The following ZNF536 variants were observed in gnomAD, a reference collection of about 807,000 sequenced individuals.
The protein encoded by ZNF536 is zinc finger protein 536.
Under a neutral mutation model 84.5 loss-of-function variants are expected in ZNF536, and 13 were observed. The ratio of observed to expected loss-of-function variants is 0.15; its 90% CI spans 0.10 to 0.24. ZNF536 has a LOEUF of 0.24. Among genes scored for constraint, ZNF536 ranks in the 10% least tolerant of loss-of-function variants. ZNF536 has a pLI of 1.00. For missense variants in ZNF536, 1,536 were observed against 1,747.5 expected, an observed-to-expected ratio of 0.88 and a Z score of 2.16; for synonymous variants, 811 against 742.5, an observed-to-expected ratio of 1.09 and a Z score of -1.50.
At chr19:30,238,293 AT>A (rs2023686735) in intron 1 of ZNF536, among the ~76,000 whole-genome samples, 1 of 152,050 alleles carries the variant, frequency 6.6e-6, no homozygotes, top group Non-Finnish European at 1.5e-5. Context: ...TCCAATAACT[AT>A]TGGCTGATTG....
intron 2 of ZNF536, among the ~76,000 whole-genome samples, chr19:30,316,431 A>C (rs924018325): frequency 4.6e-5 from 7 of 152,178 alleles, no homozygotes; most frequent in Admixed American, 3.9e-4. Context: ...ATTGCTTGTT[A>C]ATATGTTTTC....
chr19:30,328,975 TG>T (rs2047123401), intron 2 of ZNF536, among the ~76,000 whole-genome samples: 1 of 152,160 alleles, frequency 6.6e-6, no homozygotes, highest in Admixed American at 6.5e-5. Context: ...GAGTGAGAGA[TG>T]GGAATTAGCA....
intron 2 of ZNF536, among the ~76,000 whole-genome samples, chr19:30,337,374 G>A (rs1024615065): frequency 6.6e-6 from 1 of 152,198 alleles, no homozygotes; most frequent in Admixed American, 6.5e-5. Context: ...GTAGATTTTA[G>A]CTTGGCCACC....
chr19:30,346,746 T>G (rs1022957239), intron 2 of ZNF536, among the ~76,000 whole-genome samples: 5 of 152,274 alleles, frequency 3.3e-5, no homozygotes, highest in African/African-American at 1.2e-4. Flanking sequence ...AGTGTACCAT[T>G]GATGAGCATT....
chr19:30,545,629 C>T (rs903025393), intron 3 of ZNF536, among the ~76,000 whole-genome samples: 2 of 151,960 alleles, frequency 1.3e-5, no homozygotes, highest in South Asian at 2.1e-4. Flanking sequence ...GATCTCCTGA[C>T]CTTGTGATCC....
At chr19:30,257,472 ATTTCTTTTTATTTAAG>A (rs2024972025) in intron 1 of ZNF536, among the ~76,000 whole-genome samples, 1 of 152,118 alleles carries the variant, frequency 6.6e-6, no homozygotes, top group Non-Finnish European at 1.5e-5. Context: ...TCTTCCTTGC[ATTTCTTTTTATTTAAG>A]TTTTAGCTTA....
intron 1 of ZNF536, among the ~76,000 whole-genome samples, chr19:30,653,623 C>G (rs1465906379): frequency 6.6e-6 from 1 of 152,040 alleles, no homozygotes; most frequent in Non-Finnish European, 1.5e-5. Flanking sequence ...CCCTTAGGAG[C>G]AGAGGATGGA....
At position 30,362,661 on chromosome 19, in the gene ZNF536, C is replaced by G. The variant is rs2048310457; in HGVS notation, c.-3+10177C>G. Among the ~76,000 whole-genome samples, 2 of 152,154 alleles carry G rather than the reference C, an allele frequency of 1.3e-5. 1 individual carries two copies. The highest frequency in any genetic ancestry group is 4.1e-4 in the South Asian group (2 of 4,824). On this transcript the variant is annotated intron_variant, in intron 3 of 5. Coordinates refer to the ZNF536 transcript ENST00000585628. ...TCCTTGAAGGACTTCCTTCCACAGG[C>G]CTGGAATGTTTGAGGTTTAGCCTCC...
chr19:30,242,733 AGGATCACATG>A (rs1367547098), intron 1 of ZNF536, among the ~76,000 whole-genome samples: 1 of 152,230 alleles, frequency 6.6e-6, no homozygotes, highest in African/African-American at 2.4e-5. Context: ...TATCGCCTGT[AGGATCACATG>A]GGATGTTTTG....
chr19:30,305,645 C>G (rs1398061557), intron 2 of ZNF536, among the ~76,000 whole-genome samples: 1 of 152,202 alleles, frequency 6.6e-6, no homozygotes, highest in Non-Finnish European at 1.5e-5. Context: ...TCTTGGGCCA[C>G]AGTCTCTTGC....
chr19:30,415,595 GTCATCATCA>G (rs35189422), intron 1 of ZNF536, among the ~76,000 whole-genome samples: 1 of 150,118 alleles, frequency 6.7e-6, no homozygotes, highest in African/African-American at 2.5e-5. Context: ...CATCGTCATC[GTCATCATCA>G]TCATCATCAT....
At position 30,304,050 on chromosome 19, in the gene ZNF536, G is replaced by T. The variant is rs145633228; in HGVS notation, c.-120+19909G>T. On this transcript the variant is annotated intron_variant, in intron 2 of 5. Transcript: ENST00000585628. ...CCTCTCTCCCTGGATGGAGCAGCGT[G>T]GGGGAGTCCCGCTCAGGGTCTTAAG... Among the ~76,000 whole-genome samples, 5 of 152,280 alleles carry T rather than the reference G, an allele frequency of 3.3e-5. No homozygotes were observed. In the East Asian group the frequency reaches 5.8e-4, roughly 18 times the overall value.
chr19:30,634,330 C>T (rs973604437), intron 1 of ZNF536, among the ~76,000 whole-genome samples: 1 of 152,096 alleles, frequency 6.6e-6, no homozygotes, highest in African/African-American at 2.4e-5. Context: ...CAATAGTGGT[C>T]GACGCTCAGC....
chr19:30,587,993 C>T (rs988606291), intron 1 of ZNF536, among the ~76,000 whole-genome samples: 13 of 152,254 alleles, frequency 8.5e-5, no homozygotes, highest in Non-Finnish European at 8.8e-5. Context: ...ACTTGTGGCA[C>T]TCTTCTTCCT....
At chr19:30,523,393 G>A (rs767950842) in intron 2 of ZNF536, among the ~76,000 whole-genome samples, 2 of 152,100 alleles carry the variant, frequency 1.3e-5, no homozygotes, top group Non-Finnish European at 2.9e-5. Context: ...TTCCCGTTTT[G>A]CAGATAAGGA....
intron 1 of ZNF536, among the ~76,000 whole-genome samples, chr19:30,283,796 C>T (rs2145679531): frequency 6.6e-6 from 1 of 150,952 alleles, no homozygotes; most frequent in South Asian, 2.1e-4. Flanking sequence ...TTCTTCTGTC[C>T]CATATAGAGA....
intron 1 of ZNF536, among the ~76,000 whole-genome samples, chr19:30,407,030 A>G (rs1568399081): frequency 1.3e-5 from 2 of 152,164 alleles, no homozygotes; most frequent in South Asian, 4.1e-4. Flanking sequence ...TTGCTTTTGC[A>G]GAAGTTGCTG....
chr19:30,377,405 G>A (rs1311021110), intron 1 of ZNF536, among the ~76,000 whole-genome samples: 1 of 152,168 alleles, frequency 6.6e-6, no homozygotes, highest in African/African-American at 2.4e-5. Flanking sequence ...AAGAGGTACC[G>A]ATCCAGACCC....
intron 2 of ZNF536, among the ~76,000 whole-genome samples, chr19:30,504,020 G>A (rs2055057340): frequency 6.6e-6 from 1 of 151,542 alleles, no homozygotes; most frequent in Non-Finnish European, 1.5e-5. Context: ...TAACTGATAA[G>A]GAGTTAATAT....
Sources: gnomAD v4.1 joint callset for allele counts (sites outside exome capture counted in the v4.1 genomes callset) on GRCh38, gnomAD v4.1.1 for gene constraint, MANE v1.5 for transcripts, NCBI Gene and HGNC (gene_info 2026-07-23, HGNC 2026-07-21) for gene names.